WDR70: variants seen among roughly 807,000 people sequenced by gnomAD.
WDR70 encodes the protein WD repeat domain 70.
In WDR70, 53 loss-of-function variants were observed where a neutral mutation model predicts 88.6. The observed-to-expected ratio is 0.60, with a 90% CI of 0.48 to 0.75. WDR70 has a LOEUF of 0.75. WDR70 is among the 30% of genes least tolerant of loss of function. The pLI is 0.00. For missense variants in WDR70, 610 were observed against 823.2 expected (o/e 0.74, Z 3.17); for synonymous variants, 280 against 270.0 (o/e 1.04, Z -0.36).
chr5:37,637,928 T>C (rs1581455448), intron 10 of WDR70, among the ~76,000 whole-genome samples: 3 of 152,204 alleles, frequency 2.0e-5, no homozygotes. Flanking sequence ...GCAGGAGTAG[T>C]GGCAACATCC....
At chr5:37,397,316 G>A (rs1036873919) in intron 5 of WDR70, among the ~76,000 whole-genome samples, 14 of 151,928 alleles carry the variant, frequency 9.2e-5, no homozygotes, top group African/African-American at 2.7e-4. Context: ...TTAAATCTAC[G>A]TATGCGGCTG....
At chr5:37,630,801 C>G (rs1744793118) in intron 10 of WDR70, among the ~76,000 whole-genome samples, 1 of 152,168 alleles carries the variant, frequency 6.6e-6, no homozygotes. Context: ...AAGGAGCATT[C>G]CAGAGGTGCC....
chr5:37,593,474 T>C (rs956828536), intron 9 of WDR70, among the ~76,000 whole-genome samples: 6 of 152,224 alleles, frequency 3.9e-5, no homozygotes, highest in Non-Finnish European at 8.8e-5. Flanking sequence ...GCAAAGGACA[T>C]GAACTCATCC....
At chr5:37,542,268 C>T (rs1741843170) in intron 9 of WDR70, among the ~76,000 whole-genome samples, 1 of 148,138 alleles carries the variant, frequency 6.8e-6, no homozygotes. Flanking sequence ...TTAGTTTTTT[C>T]TTCTTCTTCT....
At chr5:37,563,066 C>G (rs1375031974) in intron 9 of WDR70, among the ~76,000 whole-genome samples, 1 of 73,906 alleles carries the variant, frequency 1.4e-5, no homozygotes, top group Non-Finnish European at 2.8e-5. Context: ...GGCGGCTGGC[C>G]GGGCGGGGGG....
At chr5:37,418,552 C>G (rs571529841) in intron 5 of WDR70, among the ~76,000 whole-genome samples, 113 of 152,204 alleles carry the variant, frequency 7.4e-4, no homozygotes, top group African/African-American at 2.7e-3. Flanking sequence ...CTCCTTTTCT[C>G]CTTTTTAGTT....
chr5:37,737,120 C>T (rs2112723993), intron 17 of WDR70, among the ~76,000 whole-genome samples: 1 of 152,158 alleles, frequency 6.6e-6, no homozygotes, highest in Middle Eastern at 3.4e-3. Context: ...ATATCCAAAG[C>T]AAGGTATATA....
intron 9 of WDR70, among the ~76,000 whole-genome samples, chr5:37,531,838 A>G (rs114705886): frequency 0.049 from 7,414 of 150,008 alleles, 194 homozygotes; most frequent in South Asian, 0.072. Context: ...TCATTGTGCT[A>G]TTGTTATACA....
chr5:37,739,944 G>A (rs13170018), intron 17 of WDR70, among the ~76,000 whole-genome samples: 11 of 152,304 alleles, frequency 7.2e-5, no homozygotes, highest in African/African-American at 2.4e-4. Flanking sequence ...GGCCAGTGAC[G>A]ATGTAAAATA....
intron 5 of WDR70, among the ~76,000 whole-genome samples, chr5:37,406,229 A>C (rs1749348740): frequency 6.6e-6 from 1 of 152,156 alleles, no homozygotes; most frequent in Non-Finnish European, 1.5e-5. Flanking sequence ...CATACCTCAC[A>C]TCCAATCTCT....
In WDR70 at chr5:37,722,824, A is replaced by G. The variant is rs771423550; in HGVS notation, c.1518-31A>G. On this transcript the variant is annotated intron_variant, in intron 14 of 17. Transcript: ENST00000265107. ...AAATTTTCTGTTTCTAAGACCAAGT[A>G]AAGAAAATAATTTGCTTTTACACCC... 1.0e-5 allele frequency: 16 copies of G among 1,607,788 alleles called. No individual in the cohort carries two copies. The African/African-American group carries it at 1.6e-4, about 16-fold the overall frequency.
At chr5:37,406,166 C>G (rs998598210) in intron 5 of WDR70, among the ~76,000 whole-genome samples, 1 of 152,154 alleles carries the variant, frequency 6.6e-6, no homozygotes, top group African/African-American at 2.4e-5. Context: ...GTCTTAAATA[C>G]CAGGCTATGG....
chr5:37,713,232 G>A (rs556347162), intron 13 of WDR70, among the ~76,000 whole-genome samples: 1 of 152,200 alleles, frequency 6.6e-6, no homozygotes, highest in African/African-American at 2.4e-5. Context: ...CTTAGACTTC[G>A]CGAGCAAAAG....
chr5:37,579,597 A>T (rs1023390486), intron 9 of WDR70, among the ~76,000 whole-genome samples: 18 of 151,746 alleles, frequency 1.2e-4, no homozygotes, highest in African/African-American at 3.9e-4. Flanking sequence ...AAAAAAAAAA[A>T]AAAAAAAAAT....
intron 10 of WDR70, among the ~76,000 whole-genome samples, chr5:37,671,982 A>G (rs920097946): frequency 7.2e-5 from 11 of 152,320 alleles, no homozygotes; most frequent in African/African-American, 2.6e-4. Context: ...TATTTGAACA[A>G]TTGTTTTGCC....
intron 9 of WDR70, among the ~76,000 whole-genome samples, chr5:37,536,942 T>A (rs1353088258): frequency 6.6e-6 from 1 of 152,138 alleles, no homozygotes; most frequent in Non-Finnish European, 1.5e-5. Flanking sequence ...AATATTTCCC[T>A]CATTTTCTAT....
chr5:37,563,559 A>ACC (rs1375432573), intron 9 of WDR70, among the ~76,000 whole-genome samples: 2 of 31,374 alleles, frequency 6.4e-5, no homozygotes, highest in Non-Finnish European at 1.4e-4. Context: ...CGGGGGGCTG[A>ACC]CCCCCCCCCA....
Position 37,410,901 on chromosome 5 carries a change from C to T in WDR70, c.492+14331C>T, listed in dbSNP as rs937880108. Among the ~76,000 whole-genome samples the T allele has an allele frequency of 2.6e-5, 4 of 152,158 alleles. No individual in the cohort carries two copies. In the East Asian group the frequency reaches 7.7e-4, roughly 29 times the overall value. The stretch of plus-strand genomic sequence containing the variant: ...TTATACATGCCTTGCCCTAACCTTA[C>T]AATTTAGATACATTATAGTTTAATA... On this transcript the variant is annotated intron_variant, in intron 5 of 17. Transcript: ENST00000265107.
intron 13 of WDR70, among the ~76,000 whole-genome samples, chr5:37,707,697 C>A (rs1747368165): frequency 6.6e-6 from 1 of 151,160 alleles, no homozygotes; most frequent in Non-Finnish European, 1.5e-5. Flanking sequence ...GGTGGATCAC[C>A]TGAGGTCAGG....
Sources: allele counts gnomAD v4.1 joint callset (sites outside exome capture counted in the v4.1 genomes callset), GRCh38; gene constraint gnomAD v4.1.1; transcripts MANE v1.5; gene names NCBI Gene and HGNC (gene_info 2026-07-23, HGNC 2026-07-21).